The following PSD3 variants were observed in gnomAD, a reference collection of about 807,000 sequenced individuals.
The protein encoded by PSD3 is PH and SEC7 domain-containing protein 3.
A neutral mutation model predicts 105.5 loss-of-function variants in PSD3; 49 were observed. The observed-to-expected ratio is 0.46, with a 90% confidence interval of 0.37 to 0.59. The LOEUF is 0.59. PSD3 is among the 20% of genes least tolerant of loss of function. The probability of loss-of-function intolerance (pLI) is 0.00; values close to 1 mark genes in which losing one functional copy is unlikely to be tolerated. For missense variants in PSD3, 1,561 were observed against 1,263.8 expected (o/e 1.24, Z -3.57); for synonymous variants, 557 against 457.8 (o/e 1.22, Z -2.77).
At chr8:18,744,290 C>T (rs999850277) in intron 9 of PSD3, among the ~76,000 whole-genome samples, 2 of 152,130 alleles carry the variant, frequency 1.3e-5, no homozygotes, top group Non-Finnish European at 2.9e-5. Context: ...GATGAGGAAG[C>T]TGATAGAGGA....
At chr8:18,831,754 C>A (rs1813697311) in intron 4 of PSD3, among the ~76,000 whole-genome samples, 1 of 152,028 alleles carries the variant, frequency 6.6e-6, no homozygotes, top group African/African-American at 2.4e-5. Flanking sequence ...AATAAACAAA[C>A]AAACACGACA....
chr8:18,722,724 T>G (rs1803071581), intron 9 of PSD3, among the ~76,000 whole-genome samples: 1 of 152,166 alleles, frequency 6.6e-6, no homozygotes, highest in Admixed American at 6.5e-5. Flanking sequence ...ACTGACCTCT[T>G]CGGCCTGGGA....
intron 1 of PSD3, among the ~76,000 whole-genome samples, chr8:18,945,678 T>TA (rs762461743): frequency 6.6e-6 from 1 of 152,158 alleles, no homozygotes; most frequent in Non-Finnish European, 1.5e-5. Context: ...CCTTATCTAA[T>TA]AAAAAACCAT....
At chr8:18,545,315 C>T (rs61216858) in intron 15 of PSD3, among the ~76,000 whole-genome samples, 10 of 152,138 alleles carry the variant, frequency 6.6e-5, no homozygotes, top group Admixed American at 5.2e-4. Flanking sequence ...AGCAACCTTA[C>T]GAAGATCTGC....
At chr8:18,802,139 T>G (rs1224058678) in intron 6 of PSD3, 1 of 209,078 alleles carries the variant, frequency 4.8e-6, no homozygotes, top group African/African-American at 2.3e-5. Flanking sequence ...GTGTCTGTTA[T>G]CACATTTTAA....
intron 9 of PSD3, among the ~76,000 whole-genome samples, chr8:18,727,042 A>C (rs532362153): frequency 6.6e-6 from 1 of 152,196 alleles, no homozygotes; most frequent in South Asian, 2.1e-4. Context: ...AAAAATATAA[A>C]AATCGTCCAG....
intron 12 of PSD3, among the ~76,000 whole-genome samples, chr8:18,593,358 C>A (rs1185456539): frequency 3.9e-5 from 6 of 152,122 alleles, no homozygotes; most frequent in East Asian, 1.9e-4. Flanking sequence ...ATGCAGCCAA[C>A]AGACACATGA....
At chr8:18,579,802 T>C (rs1019107584) in intron 12 of PSD3, among the ~76,000 whole-genome samples, 4 of 152,156 alleles carry the variant, frequency 2.6e-5, no homozygotes, top group African/African-American at 7.2e-5. Context: ...TTAAAAAGCA[T>C]ATTAAAGACT....
At chr8:18,580,048 TA>T (rs1162890137) in intron 12 of PSD3, among the ~76,000 whole-genome samples, 1 of 152,214 alleles carries the variant, frequency 6.6e-6, no homozygotes, top group East Asian at 1.9e-4. Context: ...AAACTGGCAT[TA>T]AAAATGTTTT....
chr8:18,607,442 G>A (rs1423832063), intron 11 of PSD3, among the ~76,000 whole-genome samples: 1 of 152,112 alleles, frequency 6.6e-6, no homozygotes, highest in African/African-American at 2.4e-5. Flanking sequence ...CCATCTCACA[G>A]ATGTGGAACC....
intron 12 of PSD3, among the ~76,000 whole-genome samples, chr8:18,592,728 C>G (rs1024373948): frequency 1.7e-4 from 26 of 152,028 alleles, no homozygotes; most frequent in African/African-American, 6.3e-4. Flanking sequence ...ACACTTGCCA[C>G]ACAAGCATAT....
intron 9 of PSD3, among the ~76,000 whole-genome samples, chr8:18,708,699 C>T (rs1373924809): frequency 1.3e-5 from 2 of 151,968 alleles, no homozygotes; most frequent in Non-Finnish European, 2.9e-5. Context: ...GTCAAGATGG[C>T]CTACTAGAAG....
chr8:18,912,614 G>C (rs1248730829), intron 2 of PSD3, among the ~76,000 whole-genome samples: 2 of 152,038 alleles, frequency 1.3e-5, no homozygotes, highest in Non-Finnish European at 2.9e-5. Context: ...CTGTGGCTAG[G>C]ATTCTCCTAA....
chr8:18,986,593 A>G (rs541542598), intron 1 of PSD3, among the ~76,000 whole-genome samples: 1 of 152,154 alleles, frequency 6.6e-6, no homozygotes, highest in Non-Finnish European at 1.5e-5. Context: ...TTTGAAAAAA[A>G]AAATCTCACA....
chr8:18,767,701 C>A (rs185568678), intron 8 of PSD3, among the ~76,000 whole-genome samples: 3 of 151,426 alleles, frequency 2.0e-5, no homozygotes, highest in Admixed American at 6.6e-5. Flanking sequence ...GAGCAGAGAT[C>A]GTGCCACTGC....
At position 18,535,585 on chromosome 8, in the gene PSD3, T is replaced by A. The variant is rs1238937190; in HGVS notation, c.*158A>T. 1.5e-6 allele frequency: 1 copy of A among 647,070 alleles called. No homozygotes were observed. Among genetic ancestry groups the A allele is most frequent in the African/African-American group, 1.8e-5 (1 of 54,642 alleles). 40.1% of individuals were successfully genotyped at this position (647,070 alleles called of 1,614,324 possible). On this transcript the variant is annotated 3_prime_UTR_variant, in exon 16 of 16. Transcript: ENST00000327040. ...CAAAAGAAATCAAGAGCAAAGACAATCTGTACAGAAACTAACAAAAATATA... is the reference window on the plus strand; with the variant it reads ...CAAAAGAAATCAAGAGCAAAGACAAACTGTACAGAAACTAACAAAAATATA...
intron 9 of PSD3, among the ~76,000 whole-genome samples, chr8:18,687,767 T>C (rs1461551953): frequency 1.3e-5 from 2 of 151,988 alleles, no homozygotes; most frequent in Middle Eastern, 3.2e-3. Flanking sequence ...ATGATATATA[T>C]TTTTGCTATT....
At chr8:18,623,446 CCCAAAAAAA>C (rs1806261857) in intron 11 of PSD3, among the ~76,000 whole-genome samples, 2 of 57,078 alleles carry the variant, frequency 3.5e-5, no homozygotes, top group South Asian at 6.7e-4. Context: ...CCCCCGTCTC[CCCAAAAAAA>C]AAAAAAAAAA....
chr8:18,893,984 A>AT (rs1172872325), intron 2 of PSD3, among the ~76,000 whole-genome samples: 22 of 152,330 alleles, frequency 1.4e-4, no homozygotes, highest in African/African-American at 5.1e-4. Flanking sequence ...CTTGGAAGCA[A>AT]TATCTATCAT....
Sources: gnomAD v4.1 joint callset for allele counts (sites outside exome capture counted in the v4.1 genomes callset) on GRCh38, gnomAD v4.1.1 for gene constraint, MANE v1.5 for transcripts, NCBI Gene and HGNC (gene_info 2026-07-23, HGNC 2026-07-21) for gene names.